Variants in SLC23A2 observed in about 807,000 individuals in gnomAD.
SLC23A2 encodes solute carrier family 23 member 2, also known as Na(+)/L-ascorbic acid transporter 2.
A neutral mutation model predicts 73.3 loss-of-function variants in SLC23A2; 36 were observed. The ratio of observed to expected loss-of-function variants is 0.49; its 90% CI spans 0.38 to 0.65. The LOEUF (loss-of-function observed/expected upper bound fraction) is 0.65, where lower values mean the gene tolerates loss of function less well. Among genes scored for constraint, SLC23A2 ranks in the 30% least tolerant of loss-of-function variants. SLC23A2 has a pLI of 0.00. For synonymous variants in SLC23A2, 343 were observed against 327.3 expected, an observed-to-expected ratio of 1.05 and a Z score of -0.52; for missense variants, 507 against 841.6, an observed-to-expected ratio of 0.60 and a Z score of 4.92.
chr20:4,900,637 T>C (rs1483569713), intron 5 of SLC23A2, among the ~76,000 whole-genome samples: 8 of 152,230 alleles, frequency 5.3e-5, no homozygotes, highest in African/African-American at 1.9e-4. Context: ...GGCATTGTTT[T>C]CGAAAACAAA....
rs1929657256 is a variant in SLC23A2 at position 4,854,840 on chromosome 20, T to C, written c.*2132A>G. 1.3e-5 allele frequency: 2 copies of C among 152,254 alleles called. No individual in the cohort carries two copies. The highest frequency in any genetic ancestry group is 6.5e-5 in the Admixed American group (1 of 15,294). The allele number at this position is 152,254 out of a possible 1,614,324, so 9.4% of individuals were successfully genotyped here. ...AATGGCTTTCAGGCTTTTATTTGGA[T>C]ATTTGGTCTTTCTGCTCACCTGGAG... On this transcript the variant is annotated 3_prime_UTR_variant, in exon 17 of 17. Coordinates refer to ENST00000338244, the MANE Select transcript of SLC23A2 (RefSeq NM_005116.6).
upstream of SLC23A2, among the ~76,000 whole-genome samples, chr20:5,006,078 G>A (rs933909949): frequency 1.3e-5 from 2 of 152,004 alleles, no homozygotes; most frequent in African/African-American, 4.8e-5. Flanking sequence ...TAATGATTGA[G>A]CATAATATAT....
At chr20:4,905,291 G>C (rs946654295) in intron 4 of SLC23A2, among the ~76,000 whole-genome samples, 1 of 152,220 alleles carries the variant, frequency 6.6e-6, no homozygotes, top group African/African-American at 2.4e-5. Flanking sequence ...AATGATACAG[G>C]AGGGGGCTGT....
intron 3 of SLC23A2, among the ~76,000 whole-genome samples, chr20:4,929,257 C>T (rs1331379679): frequency 6.6e-6 from 1 of 150,744 alleles, no homozygotes; most frequent in African/African-American, 2.4e-5. Context: ...CAGAATGAGA[C>T]CCTGTGTAAA....
rs398035250 is a variant in SLC23A2 at position 4,857,283 on chromosome 20, TACAC to T, written c.1721-83_1721-80del. On this transcript the variant is annotated intron_variant, in intron 16 of 16. Coordinates refer to ENST00000338244, the MANE Select transcript of SLC23A2 (RefSeq NM_005116.6). This position sits in a 1 kb window ranked among gnomAD's most constrained non-coding sequence, Gnocchi z 4.0. Reference sequence around the variant, plus strand: ...GAAAATGAAACTGTCGTCAAACACATACACACACACACACACACACACACACACA... The same window carrying T: ...GAAAATGAAACTGTCGTCAAACACATACACACACACACACACACACACACA... 0.12 allele frequency: 47,849 copies of T among 413,068 alleles called. 847 individuals are homozygous for T. The highest frequency in any genetic ancestry group is 0.14 in the East Asian group (2,722 of 19,070). The allele number at this position is 413,068 out of a possible 1,614,324, so 25.6% of individuals were successfully genotyped here.
chr20:5,005,516 A>G (rs542278526), upstream of SLC23A2, among the ~76,000 whole-genome samples: 9 of 152,168 alleles, frequency 5.9e-5, no homozygotes, highest in South Asian at 1.2e-3. Flanking sequence ...TATTTTTGAG[A>G]GGTAATTGTA....
rs945503043 is a variant in SLC23A2, at chr20:4,872,915, T to C, written c.1102+1021A>G. On this transcript the variant is annotated intron_variant, in intron 11 of 16. Coordinates refer to ENST00000338244, the MANE Select transcript of SLC23A2 (RefSeq NM_005116.6). The surrounding 1 kb of genome is among the most constrained non-coding windows in gnomAD (Gnocchi z 4.4). ...AATTACAGACACCCGTCATCAGGCC[T>C]GGCTCATTTTTGTATTTTTGTAGAG... is the stretch of plus-strand genomic sequence containing the variant. 1.2e-4 allele frequency among the ~76,000 whole-genome samples: 18 copies of C among 152,114 alleles called. No individual in the cohort carries two copies. The highest frequency in any genetic ancestry group is 9.2e-4 in the Admixed American group (14 of 15,278).
In SLC23A2 at chr20:4,856,675, G is replaced by T. The variant is rs6037992; in HGVS notation, c.*297C>A. 2 of 299,472 alleles carry T rather than the reference G, an allele frequency of 6.7e-6. No homozygotes were observed. Among genetic ancestry groups the T allele is most frequent in the Non-Finnish European group, 6.2e-6 (1 of 160,842 alleles). The allele number at this position is 299,472 out of a possible 1,614,324, so 18.6% of individuals were successfully genotyped here. A position where few individuals can be genotyped will look rare whatever the true frequency, so the allele number is the denominator to read the frequency against. On this transcript the variant is annotated 3_prime_UTR_variant, in exon 17 of 17. Coordinates refer to ENST00000338244, the MANE Select transcript of SLC23A2 (RefSeq NM_005116.6). This position sits in a 1 kb window ranked among gnomAD's most constrained non-coding sequence, Gnocchi z 4.6. ...GTGGAAGGGAACTGAAGCAAGGAATGGCTGCAGATTTTAAATGTCCACTCC... is the reference window on the plus strand; with the variant it reads ...GTGGAAGGGAACTGAAGCAAGGAATTGCTGCAGATTTTAAATGTCCACTCC...
chr20:4,879,587 G>T lies in SLC23A2; in HGVS notation c.824+4055C>A, dbSNP rs558013467. The stretch of plus-strand genomic sequence containing the variant: ...TCCCAGGTACTCTTGGGAGGCTGAC[G>T]AATGAGAATCGCCTGAACTCAGGAG... On this transcript the variant is annotated intron_variant, in intron 9 of 16. Coordinates refer to ENST00000338244, the MANE Select transcript of SLC23A2 (RefSeq NM_005116.6). Among the ~76,000 whole-genome samples the T allele has an allele frequency of 7.2e-5, 11 of 151,986 alleles. No individual in the cohort carries two copies. The South Asian group carries it at 2.3e-3, about 32-fold the overall frequency.
Position 4,872,028 on chromosome 20 carries a change from G to A in SLC23A2, c.1102+1908C>T, listed in dbSNP as rs1020354238. ...TTTTTTTTTCTTAAAGACCTTGTTGGCTTCCAGCCTTCTCTCTTGAATCTG... is the reference window on the plus strand; with the variant it reads ...TTTTTTTTTCTTAAAGACCTTGTTGACTTCCAGCCTTCTCTCTTGAATCTG... On this transcript the variant is annotated intron_variant, in intron 11 of 16. Coordinates refer to ENST00000338244, the MANE Select transcript of SLC23A2 (RefSeq NM_005116.6). The surrounding 1 kb of genome is among the most constrained non-coding windows in gnomAD (Gnocchi z 4.4). Among the ~76,000 whole-genome samples the A allele has an allele frequency of 4.6e-5, 7 of 151,528 alleles. No homozygotes were observed. Among genetic ancestry groups the A allele is most frequent in the Admixed American group, 2.6e-4 (4 of 15,238 alleles).
chr20:4,994,518 C>T (rs1428952837), intron 1 of SLC23A2, among the ~76,000 whole-genome samples: 1 of 152,144 alleles, frequency 6.6e-6, no homozygotes, highest in African/African-American at 2.4e-5. Context: ...GGTGCGGCGG[C>T]TCACACCTGT....
At chr20:4,906,612 T>G (rs1445264766) in intron 4 of SLC23A2, among the ~76,000 whole-genome samples, 7 of 152,030 alleles carry the variant, frequency 4.6e-5, no homozygotes, top group Non-Finnish European at 1.0e-4. Context: ...AGAGTGACAC[T>G]CTGTCTCAAA....
At chr20:4,978,772 A>G (rs2087682864) in intron 1 of SLC23A2, among the ~76,000 whole-genome samples, 1 of 152,180 alleles carries the variant, frequency 6.6e-6, no homozygotes, top group South Asian at 2.1e-4. Context: ...AGCTACACAC[A>G]TTAAGCTCCC....
intron 2 of SLC23A2, among the ~76,000 whole-genome samples, chr20:4,964,367 A>G (rs1427284853): frequency 1.3e-5 from 2 of 152,118 alleles, no homozygotes; most frequent in African/African-American, 4.8e-5. Flanking sequence ...TTGACCTAAC[A>G]ATTTTACTCT....
rs1341698782 is a variant in SLC23A2, at chr20:4,868,288, G to A, written c.1251-413C>T. 6.6e-6 allele frequency among the ~76,000 whole-genome samples: 1 copy of A among 152,090 alleles called. No individual in the cohort carries two copies. Among genetic ancestry groups the A allele is most frequent in the Non-Finnish European group, 1.5e-5 (1 of 68,024 alleles). Reference sequence around the variant, plus strand: ...GGGGTTTCACCATGTGGCCAGGCTGGTGTGGAATTCCTGACCTCAGGGTGA... The same window carrying A: ...GGGGTTTCACCATGTGGCCAGGCTGATGTGGAATTCCTGACCTCAGGGTGA... On this transcript the variant is annotated intron_variant, in intron 12 of 16. Transcript: ENST00000338244. This position sits in a 1 kb window ranked among gnomAD's most constrained non-coding sequence, Gnocchi z 4.4.
chr20:4,992,048 T>G (rs1487629118), intron 1 of SLC23A2, among the ~76,000 whole-genome samples: 1 of 152,068 alleles, frequency 6.6e-6, no homozygotes, highest in African/African-American at 2.4e-5. Flanking sequence ...AGGCAGAGGT[T>G]GCAGTGAGCC....
rs189077560 is a variant in SLC23A2 at position 4,985,005 on chromosome 20, C to T, written c.-281-14086G>A. ...TACAAAAATTAGCTGGGCGTGGTGG[C>T]ACGTGCCTGTAGTTCCGGCTACTTG... is the stretch of plus-strand genomic sequence containing the variant. On this transcript the variant is annotated intron_variant, in intron 1 of 16. Coordinates refer to ENST00000338244, the MANE Select transcript of SLC23A2 (RefSeq NM_005116.6). 8.4e-3 allele frequency among the ~76,000 whole-genome samples: 1,276 copies of T among 152,116 alleles called. 47 individuals are homozygous for T. In the South Asian group the frequency reaches 0.14, roughly 16 times the overall value.
chr20:4,991,285 AT>A (rs2087919100), intron 1 of SLC23A2, among the ~76,000 whole-genome samples: 1 of 151,936 alleles, frequency 6.6e-6, no homozygotes, highest in South Asian at 2.1e-4. Flanking sequence ...CACTTTAAAA[AT>A]TTTTGCAGAC....
Position 4,899,548 on chromosome 20 carries a change from A to G in SLC23A2, c.482+7T>C. On this transcript the variant is annotated splice_region_variant and intron_variant, in intron 6 of 16. Coordinates refer to ENST00000338244, the MANE Select transcript of SLC23A2 (RefSeq NM_005116.6). This position sits in a 1 kb window ranked among gnomAD's most constrained non-coding sequence, Gnocchi z 4.9. ...TTTGGCATCCCCCATTAGTACCCCAATCTCACCTGCATCCAAACGTTGTCT... is the reference window on the plus strand; with the variant it reads ...TTTGGCATCCCCCATTAGTACCCCAGTCTCACCTGCATCCAAACGTTGTCT... The G allele has an allele frequency of 1.2e-6, 2 of 1,614,026 alleles. No individual in the cohort carries two copies. The highest frequency in any genetic ancestry group is 4.5e-5 in the East Asian group (2 of 44,872).
Sources: allele counts gnomAD v4.1 joint callset (sites outside exome capture counted in the v4.1 genomes callset), GRCh38; gene constraint gnomAD v4.1.1; non-coding constraint Gnocchi (gnomAD v3.1); transcripts MANE v1.5; gene names NCBI Gene and HGNC (gene_info 2026-07-23, HGNC 2026-07-21).